The following EFCAB6 variants were observed in gnomAD, a reference collection of about 807,000 sequenced individuals.
The protein encoded by EFCAB6 is EF-hand calcium binding domain 6, also known as EF-hand calcium-binding domain-containing protein 6.
In EFCAB6, 156 loss-of-function variants were observed where a neutral mutation model predicts 169.8. The observed-to-expected ratio is 0.92, with a 90% CI of 0.81 to 1.05. The LOEUF is 1.05. Among genes scored for constraint, EFCAB6 ranks in the 50% least tolerant of loss-of-function variants. The probability of loss-of-function intolerance (pLI) is 0.00; values close to 1 mark genes in which losing one functional copy is unlikely to be tolerated. For missense variants in EFCAB6, 1,800 were observed against 1,829.1 expected (o/e 0.98, Z 0.29); for synonymous variants, 698 against 676.4 (o/e 1.03, Z -0.50).
intron 24 of EFCAB6, 47 bp from the exon 25 acceptor site, chr22:43,580,706 C>G (rs375852070): frequency 3.8e-5 from 61 of 1,590,320 alleles, no homozygotes; most frequent in East Asian, 1.1e-4. Flanking sequence ...AAAAAGCCAC[C>G]CTACTGCTTA....
chr22:43,764,736 A>G (rs1252780435), intron 5 of EFCAB6, among the ~76,000 whole-genome samples: 2 of 152,174 alleles, frequency 1.3e-5, no homozygotes, highest in African/African-American at 2.4e-5. Flanking sequence ...TACTAAAACA[A>G]TATTTCCTAA....
chr22:43,748,154 A>C (rs551552566), intron 6 of EFCAB6, among the ~76,000 whole-genome samples: 1 of 151,938 alleles, frequency 6.6e-6, no homozygotes, highest in African/African-American at 2.4e-5. Flanking sequence ...GGTACGCCTG[A>C]CTCCAGTTGC....
In EFCAB6 at chr22:43,532,425, C is replaced by T. The variant is rs141048060; in HGVS notation, c.4234-1461G>A. ...CTCCACAGATCTCCAGAAGGAGAAA[C>T]TGAGGCCCAGGGAGGCGGAGGAAGG... On this transcript the variant is annotated intron_variant, in intron 30 of 31. Coordinates refer to ENST00000262726, the MANE Select transcript of EFCAB6 (RefSeq NM_022785.4). 2.2e-4 allele frequency among the ~76,000 whole-genome samples: 34 copies of T among 152,360 alleles called. No homozygotes were observed. In the East Asian group the frequency reaches 6.0e-3, roughly 27 times the overall value.
intron 26 of EFCAB6, among the ~76,000 whole-genome samples, chr22:43,571,732 C>A (rs936122511): frequency 3.9e-5 from 6 of 152,122 alleles, no homozygotes; most frequent in African/African-American, 1.4e-4. Flanking sequence ...CTCCTGCTCC[C>A]GATGGCAAAT....
intron 27 of EFCAB6, among the ~76,000 whole-genome samples, chr22:43,541,970 G>A (rs562605514): frequency 6.6e-6 from 1 of 152,268 alleles, no homozygotes; most frequent in Admixed American, 6.5e-5. Flanking sequence ...AGACCCAGGG[G>A]AAGGATGCTT....
intron 27 of EFCAB6, among the ~76,000 whole-genome samples, chr22:43,551,194 C>T (rs137159): frequency 0.76 from 115,975 of 152,174 alleles, 44,666 homozygotes; most frequent in African/African-American, 0.86. Context: ...ATGACCCCCA[C>T]GTCACACTTT....
intron 20 of EFCAB6, among the ~76,000 whole-genome samples, chr22:43,617,891 C>T: frequency 6.6e-6 from 1 of 151,878 alleles, no homozygotes; most frequent in Non-Finnish European, 1.5e-5. Context: ...ATCACGAGGT[C>T]AGGAGTTTGA....
intron 12 of EFCAB6, among the ~76,000 whole-genome samples, chr22:43,681,729 C>T (rs965644232): frequency 3.3e-5 from 5 of 152,176 alleles, no homozygotes; most frequent in South Asian, 4.1e-4. Flanking sequence ...CCTTCTAAAT[C>T]CTATTATTAA....
chr22:43,696,303 T>C (rs892319651), intron 10 of EFCAB6, among the ~76,000 whole-genome samples: 2 of 152,072 alleles, frequency 1.3e-5, no homozygotes, highest in Non-Finnish European at 2.9e-5. Flanking sequence ...CAATAGCAAG[T>C]GTTGGTGAGA....
intron 9 of EFCAB6, among the ~76,000 whole-genome samples, chr22:43,712,939 T>TA (rs1006535240): frequency 6.6e-5 from 10 of 152,022 alleles, no homozygotes; most frequent in Non-Finnish European, 1.2e-4. Context: ...AGCCTTTGTT[T>TA]AAAAAAAATG....
chr22:43,567,683 G>A (rs1424327781), intron 26 of EFCAB6, among the ~76,000 whole-genome samples: 1 of 152,148 alleles, frequency 6.6e-6, no homozygotes, highest in East Asian at 1.9e-4. Flanking sequence ...GGGAAAGAAT[G>A]TTTCTACCTC....
At chr22:43,608,817 G>A (rs2053105990) in intron 21 of EFCAB6, among the ~76,000 whole-genome samples, 1 of 152,122 alleles carries the variant, frequency 6.6e-6, no homozygotes, top group African/African-American at 2.4e-5. Flanking sequence ...GGAAGGGGGT[G>A]GTTTCTGAGT....
chr22:43,541,115 C>A (rs1011229062), intron 27 of EFCAB6, among the ~76,000 whole-genome samples: 4 of 152,226 alleles, frequency 2.6e-5, no homozygotes, highest in Non-Finnish European at 5.9e-5. Context: ...TCCAACACAG[C>A]TGATGGAGAG....
At chr22:43,552,316 C>G (rs1288642961) in intron 27 of EFCAB6, 1 of 152,174 alleles carries the variant, frequency 6.6e-6, no homozygotes, top group Non-Finnish European at 1.5e-5. Flanking sequence ...GGCATATACC[C>G]AGTAATGGGA....
At chr22:43,772,004 G>C (rs140275542) in intron 4 of EFCAB6, among the ~76,000 whole-genome samples, 1 of 151,982 alleles carries the variant, frequency 6.6e-6, no homozygotes, top group African/African-American at 2.4e-5. Flanking sequence ...CTCTCATCTC[G>C]AGAATACTCA....
chr22:43,772,344 A>G (rs2061498101), intron 4 of EFCAB6, among the ~76,000 whole-genome samples: 1 of 152,224 alleles, frequency 6.6e-6, no homozygotes, highest in South Asian at 2.1e-4. Context: ...GACCCTTAAA[A>G]GAAATGAAAA....
chr22:43,665,251 T>A (rs1043081756), intron 17 of EFCAB6, among the ~76,000 whole-genome samples: 1 of 152,096 alleles, frequency 6.6e-6, no homozygotes, highest in African/African-American at 2.4e-5. Context: ...CGCTGGTTTA[T>A]CAATGGCAGG....
intron 29 of EFCAB6, chr22:43,535,139 T>C: frequency 2.6e-6 from 1 of 386,394 alleles, no homozygotes; most frequent in Non-Finnish European, 4.6e-6. Context: ...CTATGGGAGC[T>C]ATGACCAAAA....
chr22:43,567,228 G>C (rs529221759), intron 26 of EFCAB6, among the ~76,000 whole-genome samples: 2 of 152,136 alleles, frequency 1.3e-5, no homozygotes, highest in Middle Eastern at 3.4e-3. Context: ...TCTATGCTGA[G>C]ACCTTTGCAA....
Sources: gnomAD v4.1 joint callset for allele counts (sites outside exome capture counted in the v4.1 genomes callset) on GRCh38, gnomAD v4.1.1 for gene constraint, MANE v1.5 for transcripts, NCBI Gene and HGNC (gene_info 2026-07-23, HGNC 2026-07-21) for gene names.